The following C8orf34 variants were observed in gnomAD, a reference collection of about 807,000 sequenced individuals.
C8orf34 encodes the protein uncharacterized protein C8orf34.
A neutral mutation model predicts 68.3 loss-of-function variants in C8orf34; 65 were observed. That is an observed-to-expected ratio of 0.95 (90% CI 0.78 to 1.17). The LOEUF is 1.17. Among genes scored for constraint, C8orf34 ranks in the 50% most tolerant of loss-of-function variants. C8orf34 has a pLI of 0.00. For synonymous variants in C8orf34, 244 were observed against 241.2 expected (o/e 1.01, Z -0.11); for missense variants, 664 against 655.4 (o/e 1.01, Z -0.14).
chr8:68,469,106 G>A (rs1215877285), intron 4 of C8orf34, among the ~76,000 whole-genome samples: 1 of 151,942 alleles, frequency 6.6e-6, no homozygotes, highest in African/African-American at 2.4e-5. Context: ...GTGCCTAATA[G>A]TAGCTTCTTC....
chr8:68,392,554 TC>T (rs1448848119), intron 1 of C8orf34, among the ~76,000 whole-genome samples: 2 of 152,070 alleles, frequency 1.3e-5, no homozygotes, highest in East Asian at 3.8e-4. Flanking sequence ...ATTATTTTTT[TC>T]TTAAAGTTTT....
intron 8 of C8orf34, among the ~76,000 whole-genome samples, chr8:68,667,214 A>G (rs930667615): frequency 6.6e-5 from 10 of 152,210 alleles, no homozygotes; most frequent in Admixed American, 6.5e-4. Flanking sequence ...CAAAATGTGT[A>G]TATTACTTAA....
At chr8:68,543,302 C>T (rs1436841058) in intron 7 of C8orf34, among the ~76,000 whole-genome samples, 2 of 151,768 alleles carry the variant, frequency 1.3e-5, no homozygotes, top group Non-Finnish European at 2.9e-5. Flanking sequence ...ATTCAAATTT[C>T]CTTTTAAATA....
chr8:68,790,543 C>T (rs1823965107), intron 12 of C8orf34, among the ~76,000 whole-genome samples: 1 of 152,116 alleles, frequency 6.6e-6, no homozygotes, highest in African/African-American at 2.4e-5. Flanking sequence ...TTTTATAAAT[C>T]AGCACCTTTA....
intron 7 of C8orf34, among the ~76,000 whole-genome samples, chr8:68,537,385 GAA>G (rs35231889): frequency 0.2 from 30,707 of 151,632 alleles, 4,115 homozygotes; most frequent in African/African-American, 0.39. Flanking sequence ...CAGGATAACA[GAA>G]AAGTTATCAC....
intron 10 of C8orf34, among the ~76,000 whole-genome samples, chr8:68,768,272 A>G (rs1285011173): frequency 6.6e-6 from 1 of 152,114 alleles, no homozygotes; most frequent in Non-Finnish European, 1.5e-5. Flanking sequence ...CCAAGCTTAC[A>G]TTGTATATTT....
chr8:68,594,929 A>G lies in C8orf34; in HGVS notation c.1106-45447A>G, dbSNP rs149721108. Among the ~76,000 whole-genome samples, 1,309 of 152,034 alleles carry G rather than the reference A, an allele frequency of 8.6e-3. 21 individuals carry two copies. Among genetic ancestry groups the G allele is most frequent in the African/African-American group, 0.029 (1,206 of 41,484 alleles). On this transcript the variant is annotated intron_variant, in intron 7 of 13. Coordinates refer to ENST00000518698, the MANE Select transcript of C8orf34 (RefSeq NM_052958.4). ...CTGCTGGCTTTCTGGTTTAAAATTT[A>G]CAGATTTATTTTTACTTTATGGTAT...
In C8orf34 at chr8:68,707,415, A is replaced by C. The variant is rs188504900; in HGVS notation, c.1242-1579A>C. ...TCAGGAACAGTTATAATTTCTTTGC[A>C]TCTCTATGACATTTGGTTTATGCTT... is the stretch of plus-strand genomic sequence containing the variant. On this transcript the variant is annotated intron_variant, in intron 8 of 13. Coordinates refer to ENST00000518698, the MANE Select transcript of C8orf34 (RefSeq NM_052958.4). Among the ~76,000 whole-genome samples, 16 of 152,278 alleles carry C rather than the reference A, an allele frequency of 1.1e-4. No individual in the cohort carries two copies. In the East Asian group the frequency reaches 3.1e-3, roughly 29 times the overall value.
At chr8:68,808,734 A>AT (rs1253154605) in intron 12 of C8orf34, among the ~76,000 whole-genome samples, 1 of 152,038 alleles carries the variant, frequency 6.6e-6, no homozygotes, top group Non-Finnish European at 1.5e-5. Context: ...GGACTGTGCC[A>AT]TTTTTTATAA....
At chr8:68,647,149 C>G (rs1819201261) in intron 8 of C8orf34, among the ~76,000 whole-genome samples, 1 of 152,126 alleles carries the variant, frequency 6.6e-6, no homozygotes, top group South Asian at 2.1e-4. Flanking sequence ...ATAAACATAT[C>G]TCAGAAAAAG....
intron 7 of C8orf34, among the ~76,000 whole-genome samples, chr8:68,578,554 C>T (rs931581948): frequency 1.3e-5 from 2 of 151,696 alleles, no homozygotes; most frequent in African/African-American, 2.4e-5. Context: ...CATTAATATG[C>T]TTATAAGCAA....
intron 6 of C8orf34, among the ~76,000 whole-genome samples, chr8:68,531,745 C>T (rs1185872170): frequency 6.6e-6 from 1 of 151,838 alleles, no homozygotes; most frequent in Non-Finnish European, 1.5e-5. Context: ...CTCATACATA[C>T]CCCTATAAAC....
Position 68,591,815 on chromosome 8 carries a change from G to A in C8orf34, c.1106-48561G>A, listed in dbSNP as rs1817396545. On this transcript the variant is annotated intron_variant, in intron 7 of 13. Coordinates refer to ENST00000518698, the MANE Select transcript of C8orf34 (RefSeq NM_052958.4). ...TCTCAGATAAATTAAATGTGATTTG[G>A]GGAATTTAAGACTTAAAATGAATTG... 2.0e-5 allele frequency among the ~76,000 whole-genome samples: 3 copies of A among 152,144 alleles called. No individual in the cohort carries two copies. In the South Asian group the frequency reaches 6.2e-4, roughly 32 times the overall value.
At chr8:68,495,390 T>G (rs761409529) in intron 5 of C8orf34, among the ~76,000 whole-genome samples, 40 of 152,170 alleles carry the variant, frequency 2.6e-4, no homozygotes, top group Non-Finnish European at 5.4e-4. Flanking sequence ...AGTTAACATT[T>G]ATTGAGAACT....
chr8:68,698,256 T>G (rs1820892534), intron 8 of C8orf34, among the ~76,000 whole-genome samples: 1 of 152,092 alleles, frequency 6.6e-6, no homozygotes, highest in Non-Finnish European at 1.5e-5. Context: ...CTTTGGAATG[T>G]TCAGTATACT....
At chr8:68,470,325 T>C (rs1385252583) in intron 4 of C8orf34, among the ~76,000 whole-genome samples, 1 of 152,128 alleles carries the variant, frequency 6.6e-6, no homozygotes, top group Non-Finnish European at 1.5e-5. Flanking sequence ...GATTGAAGAA[T>C]GTGTCTGATC....
chr8:68,483,648 A>G (rs1812954249), intron 4 of C8orf34, among the ~76,000 whole-genome samples: 1 of 152,242 alleles, frequency 6.6e-6, no homozygotes, highest in African/African-American at 2.4e-5. Context: ...AGAAGTCAAC[A>G]TGGCAGATTA....
chr8:68,538,269 G>A (rs567834060), intron 7 of C8orf34, among the ~76,000 whole-genome samples: 1 of 152,238 alleles, frequency 6.6e-6, no homozygotes, highest in South Asian at 2.1e-4. Context: ...ATTGGCATAT[G>A]TGGTGGTGTT....
intron 1 of C8orf34, among the ~76,000 whole-genome samples, chr8:68,388,887 A>C (rs565908861): frequency 7.2e-5 from 11 of 152,274 alleles, no homozygotes; most frequent in African/African-American, 2.6e-4. Context: ...CAGGGATCAC[A>C]TTTTGAGAAC....
Sources: allele counts gnomAD v4.1 joint callset (sites outside exome capture counted in the v4.1 genomes callset), GRCh38; gene constraint gnomAD v4.1.1; transcripts MANE v1.5; gene names NCBI Gene and HGNC (gene_info 2026-07-23, HGNC 2026-07-21).